Variants in CDH13 observed in about 807,000 individuals in gnomAD.
The protein encoded by CDH13 is cadherin-13.
Under a neutral mutation model 63.8 loss-of-function variants are expected in CDH13, and 24 were observed. The ratio of observed to expected loss-of-function variants is 0.38; its 90% CI spans 0.27 to 0.53. The LOEUF is 0.53. CDH13 is among the 20% of genes least tolerant of loss of function. The pLI, the probability that CDH13 is intolerant of heterozygous loss-of-function variation, is 0.85. For synonymous variants in CDH13, 503 were observed against 355.3 expected (o/e 1.42, Z -4.67); for missense variants, 1,049 against 903.1 (o/e 1.16, Z -2.07).
At chr16:82,818,697 A>C (rs1435226034) in intron 1 of CDH13, among the ~76,000 whole-genome samples, 2 of 152,188 alleles carry the variant, frequency 1.3e-5, no homozygotes, top group Non-Finnish European at 2.9e-5. Context: ...TTTTCCAAAA[A>C]AAAGGCAGTG....
intron 1 of CDH13, among the ~76,000 whole-genome samples, chr16:82,778,996 A>G (rs2035626820): frequency 6.6e-6 from 1 of 152,194 alleles, no homozygotes; most frequent in East Asian, 1.9e-4. Flanking sequence ...TCTCAGATGG[A>G]AGAATTGAGA....
chr16:83,591,923 C>T (rs992554308), intron 7 of CDH13, among the ~76,000 whole-genome samples: 2 of 152,206 alleles, frequency 1.3e-5, no homozygotes, highest in African/African-American at 4.8e-5. Flanking sequence ...AGGTCTCCCA[C>T]CTTCTTCCAT....
chr16:83,200,541 A>T (rs2038995423), intron 4 of CDH13, among the ~76,000 whole-genome samples: 1 of 152,120 alleles, frequency 6.6e-6, no homozygotes, highest in Non-Finnish European at 1.5e-5. Flanking sequence ...CCATCCCTGT[A>T]TCCTTGTGGG....
intron 6 of CDH13, among the ~76,000 whole-genome samples, chr16:83,466,448 C>G (rs1354012856): frequency 6.6e-6 from 1 of 152,188 alleles, no homozygotes; most frequent in Non-Finnish European, 1.5e-5. Context: ...TCCTATGATC[C>G]ACTGTCAGCA....
chr16:83,556,666 C>T (rs985926043), intron 7 of CDH13, among the ~76,000 whole-genome samples: 1 of 152,184 alleles, frequency 6.6e-6, no homozygotes, highest in African/African-American at 2.4e-5. Context: ...AATCAAGGGA[C>T]CTGGAGAGAA....
At chr16:83,737,596 A>T (rs1255742292) in intron 10 of CDH13, among the ~76,000 whole-genome samples, 2 of 152,172 alleles carry the variant, frequency 1.3e-5, no homozygotes. Context: ...CAGCTGTGGG[A>T]CATAGACCTG....
At chr16:83,001,754 T>C (rs1168437945) in intron 2 of CDH13, among the ~76,000 whole-genome samples, 1 of 152,196 alleles carries the variant, frequency 6.6e-6, no homozygotes. Context: ...AAGGATATTT[T>C]GTGCATGTCA....
intron 5 of CDH13, among the ~76,000 whole-genome samples, chr16:83,337,024 G>C (rs1451960645): frequency 6.6e-6 from 1 of 152,180 alleles, no homozygotes; most frequent in Non-Finnish European, 1.5e-5. Flanking sequence ...CAAATGAAGG[G>C]CAAGCTGTTA....
intron 4 of CDH13, among the ~76,000 whole-genome samples, chr16:83,203,399 A>T (rs1156453859): frequency 6.6e-6 from 1 of 151,584 alleles, no homozygotes; most frequent in African/African-American, 2.4e-5. Context: ...TAAGATTTAA[A>T]AATAAGGCCA....
At chr16:83,635,609 T>G (rs183684526) in intron 8 of CDH13, among the ~76,000 whole-genome samples, 10 of 152,278 alleles carry the variant, frequency 6.6e-5, no homozygotes, top group African/African-American at 1.9e-4. Context: ...CCCAAAGTGC[T>G]GGGATTACAG....
At chr16:83,054,935 C>A (rs570980618) in intron 3 of CDH13, among the ~76,000 whole-genome samples, 47 of 152,166 alleles carry the variant, frequency 3.1e-4, no homozygotes, top group South Asian at 1.0e-3. Context: ...ATATTGTAGG[C>A]TGGTCATAGA....
chr16:83,193,221 G>A (rs1185667313), intron 4 of CDH13, among the ~76,000 whole-genome samples: 1 of 151,790 alleles, frequency 6.6e-6, no homozygotes, highest in East Asian at 1.9e-4. Flanking sequence ...AGCCATCCTA[G>A]ATGCTAGCTC....
intron 6 of CDH13, among the ~76,000 whole-genome samples, chr16:83,443,585 T>C (rs1250313696): frequency 6.6e-6 from 1 of 151,644 alleles, no homozygotes; most frequent in Non-Finnish European, 1.5e-5. Flanking sequence ...AAGGAATCAG[T>C]GTCAGACTGG....
rs562004507 is a variant in CDH13, at chr16:82,694,680, C to T, written c.45+67543C>T. Among the ~76,000 whole-genome samples, 5 of 152,230 alleles carry T rather than the reference C, an allele frequency of 3.3e-5. No homozygotes were observed. In the South Asian group the frequency reaches 6.2e-4, roughly 19 times the overall value. ...AATATTTCCCTTTTCTGACAACATT[C>T]CAAATATAAATAAGGACCTACTGAA... On this transcript the variant is annotated intron_variant, in intron 1 of 13. Coordinates refer to ENST00000567109, the MANE Select transcript of CDH13 (RefSeq NM_001257.5).
At chr16:82,833,987 A>T (rs1471596578) in intron 1 of CDH13, among the ~76,000 whole-genome samples, 16 of 152,234 alleles carry the variant, frequency 1.1e-4, no homozygotes, top group African/African-American at 3.9e-4. Context: ...CTCTGAACCC[A>T]ATCAGGTTAG....
chr16:83,700,653 T>C (rs929870084), intron 10 of CDH13, among the ~76,000 whole-genome samples: 1 of 152,334 alleles, frequency 6.6e-6, no homozygotes, highest in African/African-American at 2.4e-5. Flanking sequence ...TTTTTACACA[T>C]TGAAGTACTT....
At chr16:83,353,131 A>C (rs146424044) in intron 6 of CDH13, among the ~76,000 whole-genome samples, 201 of 152,338 alleles carry the variant, frequency 1.3e-3, no homozygotes, top group African/African-American at 4.7e-3. Flanking sequence ...AATATATGTT[A>C]CTCAGGTGAT....
At chr16:82,940,026 C>T (rs1217416506) in intron 2 of CDH13, among the ~76,000 whole-genome samples, 2 of 152,106 alleles carry the variant, frequency 1.3e-5, no homozygotes, top group African/African-American at 2.4e-5. Context: ...AAAGGGGTTT[C>T]CCCTTATAAA....
chr16:82,911,616 A>G (rs2041832099), intron 2 of CDH13, among the ~76,000 whole-genome samples: 2 of 152,156 alleles, frequency 1.3e-5, no homozygotes, highest in Non-Finnish European at 2.9e-5. Flanking sequence ...AGTTAACCCA[A>G]AACAGATAAT....
Sources: gnomAD v4.1 joint callset for allele counts (sites outside exome capture counted in the v4.1 genomes callset) on GRCh38, gnomAD v4.1.1 for gene constraint, MANE v1.5 for transcripts, NCBI Gene and HGNC (gene_info 2026-07-23, HGNC 2026-07-21) for gene names.